TIMM8A: variants seen among roughly 807,000 people sequenced by gnomAD.
TIMM8A encodes the protein mitochondrial import inner membrane translocase subunit Tim8 A.
In TIMM8A, 2 loss-of-function variants were observed where a neutral mutation model predicts 6.8. The observed-to-expected ratio is 0.30, with a 90% CI of 0.12 to 0.93. TIMM8A has a LOEUF of 0.93. TIMM8A is among the 40% of genes least tolerant of loss of function. TIMM8A has a pLI of 0.55. For synonymous variants in TIMM8A, 26 were observed against 28.5 expected, an observed-to-expected ratio of 0.91 and a Z score of 0.28; for missense variants, 34 against 75.2, an observed-to-expected ratio of 0.45 and a Z score of 2.02.
chrX:101,347,781 G>C lies in TIMM8A; in HGVS notation c.132+752C>G, dbSNP rs1438200034. On this transcript the variant is annotated intron_variant, in intron 1 of 1. Coordinates refer to ENST00000372902, the MANE Select transcript of TIMM8A (RefSeq NM_004085.4). ...TCAAGTTAAGTGGTTCAAAAATTTCGTTCATTATTCTCTGCCATGTACACA... is the reference window on the plus strand; with the variant it reads ...TCAAGTTAAGTGGTTCAAAAATTTCCTTCATTATTCTCTGCCATGTACACA... 4 of 114,811 alleles carry C rather than the reference G, an allele frequency of 3.5e-5. No individual in the cohort carries two copies. In the Admixed American group the frequency reaches 3.7e-4, roughly 11 times the overall value. The allele number at this position is 114,811 out of a possible 1,213,427, so 9.5% of individuals were successfully genotyped here. A position where few individuals can be genotyped will look rare whatever the true frequency, so the allele number is the denominator to read the frequency against.
chrX:101,348,409 A>C lies in TIMM8A; in HGVS notation c.132+124T>G. ...CGGCTAGGCCACAGGAACCTGAGAAAATCAAGGGTTGCTGCCAGGTGCCCG... is the reference window on the plus strand; with the variant it reads ...CGGCTAGGCCACAGGAACCTGAGAACATCAAGGGTTGCTGCCAGGTGCCCG... On this transcript the variant is annotated intron_variant, in intron 1 of 1. Transcript: ENST00000372902. 3 of 1,196,615 alleles carry C rather than the reference A, an allele frequency of 2.5e-6. No homozygotes were observed. The African/African-American group carries it at 5.2e-5, about 21-fold the overall frequency.
At chrX:101,348,409 A>T in intron 1 of TIMM8A, 124 bp downstream of exon 1, 1 of 1,196,615 alleles carries the variant, frequency 8.4e-7, no homozygotes, top group Non-Finnish European at 1.1e-6. Flanking sequence ...AACCTGAGAA[A>T]ATCAAGGGTT....
rs782237969 is a variant in TIMM8A at position 101,348,352 on chromosome X, C to T, written c.132+181G>A. 6.0e-6 allele frequency: 7 copies of T among 1,166,939 alleles called. No homozygotes were observed. In the Admixed American group the frequency reaches 1.6e-4, roughly 26 times the overall value. On this transcript the variant is annotated intron_variant, in intron 1 of 1. Coordinates refer to ENST00000372902, the MANE Select transcript of TIMM8A (RefSeq NM_004085.4). Reference sequence around the variant, plus strand: ...CAAAGCCGAGGTCCGGAATGACAGTCCCCAGAGAAGCGGAGTCACCCTTCT... The same window carrying T: ...CAAAGCCGAGGTCCGGAATGACAGTTCCCAGAGAAGCGGAGTCACCCTTCT...
intron 1 of TIMM8A, 114 bp from the exon 2 acceptor site, chrX:101,346,774 T>A: frequency 1.4e-6 from 1 of 736,543 alleles, no homozygotes. Flanking sequence ...AAAAATAATA[T>A]CTGATATGTT....
At chrX:101,348,506 T>C (rs1555976378) in intron 1 of TIMM8A, 27 bp downstream of exon 1, 3 of 1,200,005 alleles carry the variant, frequency 2.5e-6, no homozygotes, top group Non-Finnish European at 3.4e-6. Context: ...AGGTACAGTG[T>C]TCAGGTCCCA....
In TIMM8A at chrX:101,348,210, A is replaced by C. The variant is rs1433064902; in HGVS notation, c.132+323T>G. 9.1e-6 allele frequency: 10 copies of C among 1,102,899 alleles called. No individual in the cohort carries two copies. In the African/African-American group the frequency reaches 1.9e-4, roughly 21 times the overall value. 90.9% of individuals were successfully genotyped at this position (1,102,899 alleles called of 1,213,427 possible). A position where few individuals can be genotyped will look rare whatever the true frequency, so the allele number is the denominator to read the frequency against. On this transcript the variant is annotated intron_variant, in intron 1 of 1. Transcript: ENST00000372902. Reference sequence around the variant, plus strand: ...GGGCTGCCAAAAATAAAATCCCAGTACTGGGGGCTCCGATCAGTCTTGGTG... The same window carrying C: ...GGGCTGCCAAAAATAAAATCCCAGTCCTGGGGGCTCCGATCAGTCTTGGTG...
intron 1 of TIMM8A, chrX:101,348,227 G>A: frequency 1.8e-6 from 2 of 1,129,130 alleles, no homozygotes; most frequent in Non-Finnish European, 1.2e-6. Flanking sequence ...GCTCCGATCA[G>A]TCTTGGTGAC....
intron 1 of TIMM8A, 194 bp downstream of exon 1, chrX:101,348,339 C>G: frequency 8.6e-7 from 1 of 1,168,190 alleles, no homozygotes; most frequent in Non-Finnish European, 1.1e-6. Context: ...AAGCCGAGGT[C>G]CGGAATGACA....
Position 101,346,303 on chromosome X carries a change from T to TA in TIMM8A, c.*195dup. 1 of 1,101,756 alleles carries TA rather than the reference T, an allele frequency of 9.1e-7. No individual in the cohort carries two copies. Among genetic ancestry groups the TA allele is most frequent in the Non-Finnish European group, 1.2e-6 (1 of 846,355 alleles). 90.8% of individuals were successfully genotyped at this position (1,101,756 alleles called of 1,213,427 possible). A position where few individuals can be genotyped will look rare whatever the true frequency, so the allele number is the denominator to read the frequency against. ...TCAATTATTTTCACAAGATTAGCAT[T>TA]AAAAAATACAAGCAAACATATGACC... is the stretch of plus-strand genomic sequence containing the variant. On this transcript the variant is annotated 3_prime_UTR_variant, in exon 2 of 2. Coordinates refer to ENST00000372902, the MANE Select transcript of TIMM8A (RefSeq NM_004085.4).
In TIMM8A at chrX:101,346,132, G is replaced by A; in HGVS notation, c.*367C>T. On this transcript the variant is annotated 3_prime_UTR_variant, in exon 2 of 2. Transcript: ENST00000372902. ...TCTGATAAACACAAGGATCTCCCCTGAAATCAGAAATGACTCCACACAAAT... is the reference window on the plus strand; with the variant it reads ...TCTGATAAACACAAGGATCTCCCCTAAAATCAGAAATGACTCCACACAAAT... The A allele has an allele frequency of 2.3e-6, 2 of 860,908 alleles. No individual in the cohort carries two copies. The highest frequency in any genetic ancestry group is 2.8e-6 in the Non-Finnish European group (2 of 705,675). The allele number at this position is 860,908 out of a possible 1,213,427, so 70.9% of individuals were successfully genotyped here.
At chrX:101,347,709 G>GT (rs1398833771) in intron 1 of TIMM8A, 2 of 111,893 alleles carry the variant, frequency 1.8e-5, no homozygotes, top group Non-Finnish European at 3.7e-5. Flanking sequence ...CAGCAATACT[G>GT]TAAGTTTATG....
Position 101,348,731 on chromosome X carries a change from G to C in TIMM8A, c.-67C>G. ...CTTCACGTGTCTCCGCGACGGAACC[G>C]GAACCACAGCTAGCTGCCTCTGGGA... is the stretch of plus-strand genomic sequence containing the variant. On this transcript the variant is annotated 5_prime_UTR_variant, in exon 1 of 2. Transcript: ENST00000372902. 1 of 1,195,679 alleles carries C rather than the reference G, an allele frequency of 8.4e-7. No homozygotes were observed. Among genetic ancestry groups the C allele is most frequent in the Non-Finnish European group, 1.1e-6 (1 of 885,662 alleles).
At chrX:101,347,761 T>A (rs1926111740) in intron 1 of TIMM8A, 1 of 113,852 alleles carries the variant, frequency 8.8e-6, no homozygotes, top group South Asian at 3.6e-4. Context: ...ATAGTTCAAG[T>A]TAAGTGGTTC....
At chrX:101,348,260 CG>C in intron 1 of TIMM8A, 2 of 1,152,977 alleles carry the variant, frequency 1.7e-6, no homozygotes, top group Non-Finnish European at 2.3e-6. Flanking sequence ...GCTTCAACCT[CG>C]GGTGCCTGAA....
intron 1 of TIMM8A, chrX:101,347,461 C>T (rs1926101370): frequency 1.8e-5 from 2 of 110,054 alleles, no homozygotes; most frequent in Non-Finnish European, 1.9e-5. Context: ...AGGGCTTCGC[C>T]GTGTTGCCCA....
chrX:101,345,939 C>G lies in TIMM8A; in HGVS notation c.*560G>C, dbSNP rs1926056392. Reference sequence around the variant, plus strand: ...CTAGACTCTCAGGCTGCCTACCCTACCTTGAGACTTACTTAATATGGATAT... The same window carrying G: ...CTAGACTCTCAGGCTGCCTACCCTAGCTTGAGACTTACTTAATATGGATAT... On this transcript the variant is annotated 3_prime_UTR_variant, in exon 2 of 2. Coordinates refer to ENST00000372902, the MANE Select transcript of TIMM8A (RefSeq NM_004085.4). 1 of 753,013 alleles carries G rather than the reference C, an allele frequency of 1.3e-6. No homozygotes were observed. The highest frequency in any genetic ancestry group is 2.3e-5 in the African/African-American group (1 of 42,897). The allele number at this position is 753,013 out of a possible 1,213,427, so 62.1% of individuals were successfully genotyped here. A position where few individuals can be genotyped will look rare whatever the true frequency, so the allele number is the denominator to read the frequency against.
At chrX:101,347,992 C>T in intron 1 of TIMM8A, 1 of 808,639 alleles carries the variant, frequency 1.2e-6, no homozygotes, top group African/African-American at 2.2e-5. Context: ...AGACCCAAAA[C>T]GGCTTGGTAT....
rs1926061166 is a variant in TIMM8A, at chrX:101,346,034, A to G, written c.*465T>C. The G allele has an allele frequency of 7.5e-6, 6 of 804,949 alleles. No individual in the cohort carries two copies. The highest frequency in any genetic ancestry group is 7.4e-6 in the Non-Finnish European group (5 of 674,375). 66.3% of individuals were successfully genotyped at this position (804,949 alleles called of 1,213,427 possible). On this transcript the variant is annotated 3_prime_UTR_variant, in exon 2 of 2. Coordinates refer to ENST00000372902, the MANE Select transcript of TIMM8A (RefSeq NM_004085.4). The stretch of plus-strand genomic sequence containing the variant: ...GTGTACTGTATAAACACTCTTACAG[A>G]TATTTTTCTCCAGCATTGACAATCA...
intron 1 of TIMM8A, chrX:101,347,673 G>C (rs1407322204): frequency 9.0e-6 from 1 of 111,671 alleles, no homozygotes; most frequent in Non-Finnish European, 1.9e-5. Flanking sequence ...CCAGAGTTAA[G>C]TAAGCATCTG....
Sources: allele counts gnomAD v4.1 joint callset, GRCh38; gene constraint gnomAD v4.1.1; transcripts MANE v1.5; gene names NCBI Gene and HGNC (gene_info 2026-07-23, HGNC 2026-07-21).